IL37: variants seen among roughly 807,000 people sequenced by gnomAD.
IL37 encodes interleukin 37, also known as interleukin-37.
Under a neutral mutation model 15.4 loss-of-function variants are expected in IL37, and 15 were observed. The observed-to-expected ratio is 0.98, with a 90% CI of 0.65 to 1.50. The LOEUF (loss-of-function observed/expected upper bound fraction) is 1.50. Ranked by LOEUF, IL37 falls within the 40% of genes most tolerant of loss-of-function variation. The probability of loss-of-function intolerance (pLI) is 0.00; values close to 1 mark genes in which losing one functional copy is unlikely to be tolerated. For synonymous variants in IL37, 98 were observed against 97.4 expected, an observed-to-expected ratio of 1.01 and a Z score of -0.03; for missense variants, 269 against 261.7, an observed-to-expected ratio of 1.03 and a Z score of -0.19.
rs536123660 is a variant in IL37, at chr2:112,918,570, C to T, written c.418C>T (p.Leu140=). 3.1e-6 allele frequency: 5 copies of T among 1,610,404 alleles called. No individual in the cohort carries two copies. Among genetic ancestry groups the T allele is most frequent in the East Asian group, 2.2e-5 (1 of 44,836 alleles). The part of the protein sequence containing the change: ...HPSLQLKKEK[L]MKLAAQKESA... Reference sequence around the variant, plus strand: ...CCCTTTTACCTCACAGAAGGAGAAACTGATGAAGCTGGCTGCCCAAAAGGA... The same window carrying T: ...CCCTTTTACCTCACAGAAGGAGAAATTGATGAAGCTGGCTGCCCAAAAGGA... The change falls in exon 6 of 6, where the codon CTG becomes TTG. Residue 140 remains leucine, a synonymous_variant. Transcript: ENST00000263326.
In IL37 at chr2:112,917,193, G is replaced by C. The variant is rs966525822; in HGVS notation, c.210G>C (p.Leu70=). 1 of 1,614,004 alleles carries C rather than the reference G, an allele frequency of 6.2e-7. No homozygotes were observed. Among genetic ancestry groups the C allele is most frequent in the African/African-American group, 1.3e-5 (1 of 74,920 alleles). Reference sequence around the variant, plus strand: ...TTCATGACCAGGATCACAAAGTACTGGTCCTGGACTCTGGGAATCTCATAG... The same window carrying C: ...TTCATGACCAGGATCACAAAGTACTCGTCCTGGACTCTGGGAATCTCATAG... ...FSIHDQDHKV[L]VLDSGNLIAV... The change falls in exon 4 of 6, where the codon CTG becomes CTC. Residue 70 remains leucine (L), a synonymous_variant. Transcript: ENST00000263326.
intron 3 of IL37, 24 bp downstream of exon 3, chr2:112,913,878 G>T (rs773253887): frequency 6.2e-7 from 1 of 1,600,262 alleles, no homozygotes; most frequent in Admixed American, 1.7e-5. Context: ...GTGAGGTGAT[G>T]GGGGTGGCTG....
Position 112,918,566 on chromosome 2 carries a change from G to A in IL37, c.414G>A (p.Glu138=). ...QSHPSLQLKK[E]KLMKLAAQKE... ...TAATCCCTTTTACCTCACAGAAGGAGAAACTGATGAAGCTGGCTGCCCAAA... is the reference window on the plus strand; with the variant it reads ...TAATCCCTTTTACCTCACAGAAGGAAAAACTGATGAAGCTGGCTGCCCAAA... Residue 138 remains glutamate, a synonymous_variant, in exon 6 of 6, where the codon GAG becomes GAA. Coordinates refer to ENST00000263326, the MANE Select transcript of IL37 (RefSeq NM_014439.4). The A allele has an allele frequency of 6.2e-7, 1 of 1,610,376 alleles. No individual in the cohort carries two copies. The highest frequency in any genetic ancestry group is 8.5e-7 in the Non-Finnish European group (1 of 1,178,550).
chr2:112,918,118 GTGC>G (rs1558803338), intron 5 of IL37, among the ~76,000 whole-genome samples: 1 of 152,224 alleles, frequency 6.6e-6, no homozygotes, highest in Non-Finnish European at 1.5e-5. Flanking sequence ...GGACCCTGGC[GTGC>G]TGCTGTAGGG....
At chr2:112,915,201 C>G (rs1247581109) in intron 3 of IL37, 5 of 1,613,842 alleles carry the variant, frequency 3.1e-6, no homozygotes, top group Non-Finnish European at 4.2e-6. Flanking sequence ...CTATGTCAGG[C>G]TGTGATAGGA....
intron 3 of IL37, 53 bp downstream of exon 3, chr2:112,913,907 G>A (rs898845071): frequency 7.1e-7 from 1 of 1,412,588 alleles, no homozygotes; most frequent in South Asian, 1.2e-5. Context: ...GGGTGGGGAT[G>A]GGGGATGGAG....
intron 3 of IL37, among the ~76,000 whole-genome samples, chr2:112,916,731 C>T (rs147942624): frequency 5.9e-5 from 9 of 152,334 alleles, no homozygotes; most frequent in Admixed American, 2.6e-4. Flanking sequence ...CCTTTTTATA[C>T]GCCAGACATT....
intron 3 of IL37, among the ~76,000 whole-genome samples, chr2:112,916,492 G>A (rs1683313403): frequency 6.6e-6 from 1 of 152,140 alleles, no homozygotes; most frequent in Non-Finnish European, 1.5e-5. Flanking sequence ...CCAGGGCCAG[G>A]TGCAAGATTT....
chr2:112,917,099 A>G, intron 3 of IL37, 30 bp from the exon 4 acceptor site: 1 of 1,611,282 alleles, frequency 6.2e-7, no homozygotes, highest in Non-Finnish European at 8.5e-7. Flanking sequence ...TTTCAATGTG[A>G]AGTGTTGATA....
rs757148355 is a variant in IL37, at chr2:112,917,236, T to C, written c.253T>C (p.Tyr85His). 6.2e-7 allele frequency: 1 copy of C among 1,614,030 alleles called. No homozygotes were observed. Among genetic ancestry groups the C allele is most frequent in the South Asian group, 1.1e-5 (1 of 91,046 alleles). Residue 85 changes from tyrosine to histidine, a missense_variant, in exon 4 of 6, where the codon TAC (tyrosine) becomes CAC (histidine). By Grantham distance (83) the Tyr-to-His change is moderately conservative. Coordinates refer to ENST00000263326, the MANE Select transcript of IL37 (RefSeq NM_014439.4). The part of the protein sequence containing the change: ...GNLIAVPDKN[Y>H]IRPEIFFALA... ...TCTCATAGCAGTTCCAGATAAAAAC[T>C]ACATACGCCCAGGTGACTCTCAGTT...
At chr2:112,918,064 C>T (rs1310729556) in intron 5 of IL37, among the ~76,000 whole-genome samples, 1 of 152,188 alleles carries the variant, frequency 6.6e-6, no homozygotes, top group East Asian at 1.9e-4. Context: ...TGGCGGTCCC[C>T]TCCTGCTGTG....
chr2:112,915,177 G>A (rs776751722), intron 3 of IL37: 1 of 1,612,788 alleles, frequency 6.2e-7, no homozygotes, highest in Non-Finnish European at 8.5e-7. Flanking sequence ...GTCTGCATGT[G>A]AGACGCTGAG....
chr2:112,915,133 G>T, intron 3 of IL37: 1 of 1,506,954 alleles, frequency 6.6e-7, no homozygotes, highest in South Asian at 1.1e-5. Flanking sequence ...CAAGGATCAT[G>T]AGCGAGAACA....
Position 112,917,843 on chromosome 2 carries a change from T to G in IL37, c.408+66T>G. The G allele has an allele frequency of 3.9e-6, 6 of 1,525,066 alleles. 1 individual carries two copies. In the South Asian group the frequency reaches 6.8e-5, roughly 17 times the overall value. 94.5% of individuals were successfully genotyped at this position (1,525,066 alleles called of 1,614,324 possible). A position where few individuals can be genotyped will look rare whatever the true frequency, so the allele number is the denominator to read the frequency against. ...CAAAGTAAAAGGCCAAGATCCTCAA[T>G]GCCTCTCGCTTTCCTGCAAATTCTT... On this transcript the variant is annotated intron_variant, in intron 5 of 5. Coordinates refer to ENST00000263326, the MANE Select transcript of IL37 (RefSeq NM_014439.4).
rs113652399 is a variant in IL37 at position 112,918,313 on chromosome 2, G to GTCTCTC, written c.409-231_409-226dup. Among the ~76,000 whole-genome samples, 1,119 of 148,376 alleles carry GTCTCTC rather than the reference G, an allele frequency of 7.5e-3. 14 individuals carry two copies. Among genetic ancestry groups the GTCTCTC allele is most frequent in the African/African-American group, 0.024 (959 of 40,582 alleles). On this transcript the variant is annotated intron_variant, in intron 5 of 5. Coordinates refer to ENST00000263326, the MANE Select transcript of IL37 (RefSeq NM_014439.4). The stretch of plus-strand genomic sequence containing the variant: ...ATTTTGGTATCCATCTGACTCTTAC[G>GTCTCTC]TCTCTCTCTCTCTCTCTCTCTCAGT...
At chr2:112,915,604 CG>C (rs1170375990) in intron 3 of IL37, among the ~76,000 whole-genome samples, 7 of 152,210 alleles carry the variant, frequency 4.6e-5, no homozygotes, top group Non-Finnish European at 1.0e-4. Context: ...TCAGCTAGCT[CG>C]GTGACTCTCA....
chr2:112,913,963 C>T, intron 3 of IL37, 109 bp downstream of exon 3: 2 of 850,220 alleles, frequency 2.4e-6, no homozygotes, highest in Admixed American at 2.1e-5. Context: ...AATGGGGACA[C>T]CTAAGGGTGC....
intron 3 of IL37, 83 bp downstream of exon 3, chr2:112,913,937 G>A: frequency 8.6e-7 from 1 of 1,160,620 alleles, no homozygotes; most frequent in South Asian, 1.3e-5. Context: ...CCTCTTACAG[G>A]GTGGGAGAAT....
At chr2:112,917,536 A>G in intron 4 of IL37, 99 bp from the exon 5 acceptor site, 2 of 1,230,138 alleles carry the variant, frequency 1.6e-6, no homozygotes, top group African/African-American at 1.5e-5. Context: ...CCACAGAGTC[A>G]AGGGAGAGGG....
Sources: allele counts gnomAD v4.1 joint callset (sites outside exome capture counted in the v4.1 genomes callset), GRCh38; gene constraint gnomAD v4.1.1; transcripts MANE v1.5; gene names NCBI Gene and HGNC (gene_info 2026-07-23, HGNC 2026-07-21).